The following NKAIN2 variants were observed in gnomAD, a reference collection of about 807,000 sequenced individuals.
The protein encoded by NKAIN2 is sodium/potassium-transporting ATPase subunit beta-1-interacting protein 2.
NKAIN2 carries 14 observed loss-of-function variants against 32.6 expected under a neutral mutation model. The observed-to-expected ratio is 0.43, with a 90% CI of 0.28 to 0.67. The LOEUF (loss-of-function observed/expected upper bound fraction) is 0.67. NKAIN2 is among the 30% of genes least tolerant of loss of function. The probability of loss-of-function intolerance (pLI) is 0.17; values close to 1 mark genes in which losing one functional copy is unlikely to be tolerated. For synonymous variants in NKAIN2, 80 were observed against 87.2 expected (o/e 0.92, Z 0.46); for missense variants, 198 against 258.3 (o/e 0.77, Z 1.60).
chr6:124,418,570 A>G (rs992986047), intron 3 of NKAIN2, among the ~76,000 whole-genome samples: 2 of 148,132 alleles, frequency 1.4e-5, no homozygotes, highest in African/African-American at 4.9e-5. Context: ...AAATATATAT[A>G]TAATATCTAT....
At chr6:124,052,593 A>G (rs529667705) in intron 1 of NKAIN2, among the ~76,000 whole-genome samples, 10 of 152,164 alleles carry the variant, frequency 6.6e-5, no homozygotes, top group African/African-American at 2.4e-4. Flanking sequence ...AATGAGTAAA[A>G]CACTTTTGTC....
intron 1 of NKAIN2, among the ~76,000 whole-genome samples, chr6:124,219,545 T>C (rs974641274): frequency 8.5e-5 from 13 of 152,066 alleles, no homozygotes; most frequent in Admixed American, 8.5e-4. Context: ...CCCAAAGTGC[T>C]GGGATTACAA....
chr6:124,170,536 T>C (rs1788792857), intron 1 of NKAIN2, among the ~76,000 whole-genome samples: 1 of 152,210 alleles, frequency 6.6e-6, no homozygotes, highest in African/African-American at 2.4e-5. Context: ...GAAAGTGTGC[T>C]GTAACTCATT....
intron 1 of NKAIN2, among the ~76,000 whole-genome samples, chr6:123,961,959 G>A (rs756574581): frequency 9.9e-5 from 15 of 151,970 alleles, no homozygotes; most frequent in Non-Finnish European, 1.5e-4. Flanking sequence ...GAGAGGAAAC[G>A]GTAATTAAAA....
chr6:124,812,710 C>A (rs979099875), intron 5 of NKAIN2, among the ~76,000 whole-genome samples: 3 of 151,830 alleles, frequency 2.0e-5, no homozygotes, highest in South Asian at 4.1e-4. Context: ...CAAAAGAAAG[C>A]CAAACACCAA....
chr6:124,023,482 C>A (rs1780965272), intron 1 of NKAIN2, among the ~76,000 whole-genome samples: 1 of 152,092 alleles, frequency 6.6e-6, no homozygotes, highest in Admixed American at 6.6e-5. Flanking sequence ...AATCCTCCTG[C>A]TCTGTGCCTT....
intron 3 of NKAIN2, among the ~76,000 whole-genome samples, chr6:124,604,361 A>T (rs376588289): frequency 5.3e-5 from 8 of 152,094 alleles, no homozygotes; most frequent in African/African-American, 1.9e-4. Flanking sequence ...TGCTATTTTA[A>T]TAGGTGTCAA....
At chr6:124,305,341 G>T (rs942607264) in intron 2 of NKAIN2, among the ~76,000 whole-genome samples, 5 of 152,086 alleles carry the variant, frequency 3.3e-5, no homozygotes, top group South Asian at 2.1e-4. Flanking sequence ...ACCAAATTAG[G>T]CTGTGGTCTT....
In NKAIN2 at chr6:123,964,789, G is replaced by A. The variant is rs1778000388; in HGVS notation, c.54+160535G>A. Among the ~76,000 whole-genome samples, 2 of 152,022 alleles carry A rather than the reference G, an allele frequency of 1.3e-5. No individual in the cohort carries two copies. The highest frequency in any genetic ancestry group is 2.4e-5 in the African/African-American group (1 of 41,396). ...CCAGCCTATGTTCAAAACTAAATTA[G>A]CCTTGCATCCATTTCTTACCTCATG... On this transcript the variant is annotated intron_variant, in intron 1 of 6. Coordinates refer to ENST00000368417, the MANE Select transcript of NKAIN2 (RefSeq NM_001040214.3). This position sits in a 1 kb window ranked among gnomAD's most constrained non-coding sequence, Gnocchi z 4.0.
chr6:124,152,611 C>CA (rs975806381), intron 1 of NKAIN2, among the ~76,000 whole-genome samples: 37 of 151,940 alleles, frequency 2.4e-4, no homozygotes, highest in African/African-American at 8.0e-4. Flanking sequence ...GGAGGTTCTT[C>CA]AAAAAACTGG....
At chr6:124,535,253 AT>A (rs1275637413) in intron 3 of NKAIN2, among the ~76,000 whole-genome samples, 2 of 152,196 alleles carry the variant, frequency 1.3e-5, no homozygotes, top group African/African-American at 4.8e-5. Flanking sequence ...TATTCAATCT[AT>A]TTTTTTATCT....
At chr6:124,798,952 C>T (rs1780132526) in intron 5 of NKAIN2, among the ~76,000 whole-genome samples, 1 of 152,132 alleles carries the variant, frequency 6.6e-6, no homozygotes, top group Admixed American at 6.5e-5. Flanking sequence ...GAAGTATTTG[C>T]AAAATAAATG....
intron 1 of NKAIN2, among the ~76,000 whole-genome samples, chr6:124,118,778 T>C (rs1012753097): frequency 1.3e-5 from 2 of 152,128 alleles, no homozygotes; most frequent in African/African-American, 4.8e-5. Flanking sequence ...AGGAGTAAAT[T>C]GGCAAAGTCA....
intron 4 of NKAIN2, among the ~76,000 whole-genome samples, chr6:124,676,150 G>GTTGA (rs1272213012): frequency 2.0e-5 from 3 of 151,966 alleles, no homozygotes; most frequent in African/African-American, 7.3e-5. Context: ...TTCTTTTGCT[G>GTTGA]TTGATTTCTA....
At position 124,687,168 on chromosome 6, in the gene NKAIN2, A is replaced by C. The variant is rs530793375; in HGVS notation, c.474+28782A>C. On this transcript the variant is annotated intron_variant, in intron 4 of 6. Transcript: ENST00000368417. ...TATATATGGAATATAAATATTCTCT[A>C]TATATATTCCATATACATATATACA... 3.4e-4 allele frequency among the ~76,000 whole-genome samples: 51 copies of C among 147,946 alleles called. No individual in the cohort carries two copies. The South Asian group carries it at 4.4e-3, about 13-fold the overall frequency.
At chr6:124,710,521 G>T (rs1282071491) in intron 4 of NKAIN2, among the ~76,000 whole-genome samples, 3 of 152,012 alleles carry the variant, frequency 2.0e-5, no homozygotes, top group Non-Finnish European at 4.4e-5. Context: ...CTCCTGTATT[G>T]GGTGCGTATA....
intron 1 of NKAIN2, among the ~76,000 whole-genome samples, chr6:124,224,278 G>A (rs1360310983): frequency 1.3e-5 from 2 of 152,110 alleles, no homozygotes; most frequent in African/African-American, 4.8e-5. Context: ...TTCCTTTGAA[G>A]TGTGACTATG....
At chr6:123,914,538 C>T (rs1425248841) in intron 1 of NKAIN2, among the ~76,000 whole-genome samples, 3 of 152,082 alleles carry the variant, frequency 2.0e-5, no homozygotes, top group East Asian at 1.9e-4. Context: ...GGAGCTTCAA[C>T]GTACAAACCT....
Position 123,979,897 on chromosome 6 carries a change from C to T in NKAIN2, c.54+175643C>T, listed in dbSNP as rs141424588. On this transcript the variant is annotated intron_variant, in intron 1 of 6. Coordinates refer to ENST00000368417, the MANE Select transcript of NKAIN2 (RefSeq NM_001040214.3). ...CTACCTTGTTTTTTTCTCTCTCTCT[C>T]TCCAGTTAAATGCCATCCAATTATC... Among the ~76,000 whole-genome samples the T allele has an allele frequency of 1.4e-4, 22 of 152,184 alleles. No homozygotes were observed. The East Asian group carries it at 4.1e-3, about 28-fold the overall frequency.
Sources: allele counts gnomAD v4.1 joint callset (sites outside exome capture counted in the v4.1 genomes callset), GRCh38; gene constraint gnomAD v4.1.1; non-coding constraint Gnocchi (gnomAD v3.1); transcripts MANE v1.5; gene names NCBI Gene and HGNC (gene_info 2026-07-23, HGNC 2026-07-21).